The following SETD2 variants were observed in gnomAD, a reference collection of about 807,000 sequenced individuals.
SETD2 encodes the protein histone-lysine N-methyltransferase SETD2.
SETD2 carries 31 observed loss-of-function variants against 242.1 expected under a neutral mutation model. That is an observed-to-expected ratio of 0.13 (90% CI 0.10 to 0.17). The LOEUF (loss-of-function observed/expected upper bound fraction) is 0.17, where lower values mean the gene tolerates loss of function less well. SETD2 is among the 10% of genes least tolerant of loss of function. The probability of loss-of-function intolerance (pLI) is 1.00; values close to 1 mark genes in which losing one functional copy is unlikely to be tolerated. For missense variants in SETD2, 2,481 were observed against 3,046.3 expected, an observed-to-expected ratio of 0.81 and a Z score of 4.37; for synonymous variants, 1,006 against 1,066.5, an observed-to-expected ratio of 0.94 and a Z score of 1.11.
At chr3:47,115,700 T>C (rs942167681) in intron 4 of SETD2, among the ~76,000 whole-genome samples, 12 of 151,934 alleles carry the variant, frequency 7.9e-5, no homozygotes. Flanking sequence ...CAGGCTGGAG[T>C]ATAGTGGAAT....
intron 3 of SETD2, among the ~76,000 whole-genome samples, chr3:47,117,127 A>G (rs919424763): frequency 1.3e-5 from 2 of 152,088 alleles, no homozygotes; most frequent in Non-Finnish European, 2.9e-5. Context: ...CACTTCCCAA[A>G]GTGCTGCAAT....
chr3:47,152,344 T>G (rs2106828194), intron 1 of SETD2, among the ~76,000 whole-genome samples: 1 of 152,342 alleles, frequency 6.6e-6, no homozygotes, highest in South Asian at 2.1e-4. Flanking sequence ...CAAGTATTGA[T>G]AAATTAATGG....
Position 47,046,479 on chromosome 3 carries a change from T to C in SETD2, c.7098+8A>G. On this transcript the variant is annotated splice_region_variant and intron_variant, in intron 16 of 20. Coordinates refer to ENST00000409792, the MANE Select transcript of SETD2 (RefSeq NM_014159.7). ...CCAATGAGTTTTAACAACTGAAACA[T>C]TTCTTACTGGCTGCAAGGGCTGAGG... 1.3e-6 allele frequency: 2 copies of C among 1,588,204 alleles called. No homozygotes were observed. The highest frequency in any genetic ancestry group is 1.7e-6 in the Non-Finnish European group (2 of 1,166,586).
chr3:47,036,905 T>TAAAAAA (rs60186354), intron 18 of SETD2, among the ~76,000 whole-genome samples: 2 of 117,906 alleles, frequency 1.7e-5, no homozygotes, highest in Admixed American at 8.9e-5. Flanking sequence ...CCGTCTCATT[T>TAAAAAA]AAAAAAAAAA....
At chr3:47,088,612 TTTATGGTTCATAAATATGATGAA>T (rs2041667070) in intron 9 of SETD2, among the ~76,000 whole-genome samples, 1 of 152,154 alleles carries the variant, frequency 6.6e-6, no homozygotes, top group Non-Finnish European at 1.5e-5. Context: ...TCAGAGATCC[TTTATGGTTCATAAATATGATGAA>T]TGGGTTTTCA....
chr3:47,095,308 G>A (rs2107667614), intron 9 of SETD2, among the ~76,000 whole-genome samples: 1 of 151,960 alleles, frequency 6.6e-6, no homozygotes, highest in South Asian at 2.1e-4. Flanking sequence ...GCAAATTTTT[G>A]TATTTTTAGT....
In SETD2 at chr3:47,123,375, T is replaced by A. The variant is rs1399084180; in HGVS notation, c.1261A>T (p.Arg421Trp). The A allele has an allele frequency of 1.4e-5, 21 of 1,551,578 alleles. No homozygotes were observed. The highest frequency in any genetic ancestry group is 1.8e-5 in the Non-Finnish European group (21 of 1,146,984). The stretch of plus-strand genomic sequence containing the variant: ...TCATAATAATGAGATCGTTCTGACC[T>A]GGAATAGGATAAATTAGTTCTAGAG... ...RGSRTNLSYS[R>W]SERSHYYDSD... The change falls in exon 3 of 21, where the codon AGG becomes TGG. Residue 421 changes from arginine to tryptophan, a missense_variant. Physicochemically the swap from Arg to Trp is moderately radical, Grantham distance 101. Transcript: ENST00000409792.
intron 1 of SETD2, among the ~76,000 whole-genome samples, chr3:47,134,239 C>T (rs767705374): frequency 3.0e-4 from 45 of 152,150 alleles, no homozygotes; most frequent in Non-Finnish European, 6.0e-4. Flanking sequence ...CAGGTGGAAG[C>T]CTCTGTTGTG....
chr3:47,046,452 A>G (rs1322509958), intron 16 of SETD2, 35 bp downstream of exon 16: 2 of 1,514,316 alleles, frequency 1.3e-6, no homozygotes, highest in Non-Finnish European at 1.8e-6. Flanking sequence ...CAAAGTAGAC[A>G]GCCAATGAGT....
At chr3:47,151,700 G>T (rs1463894082) in intron 1 of SETD2, among the ~76,000 whole-genome samples, 1 of 151,752 alleles carries the variant, frequency 6.6e-6, no homozygotes, top group African/African-American at 2.4e-5. Context: ...GGTGGTACGC[G>T]CCTGTAATCC....
chr3:47,113,089 A>C lies in SETD2; in HGVS notation c.4715+787T>G, dbSNP rs1196284951. The stretch of plus-strand genomic sequence containing the variant: ...TTTAATTCTTAACCTTGATATGCTC[A>C]GGTATTCTCTTCTACTCTTTTTTTT... On this transcript the variant is annotated intron_variant, in intron 5 of 20. Transcript: ENST00000409792. Among the ~76,000 whole-genome samples the C allele has an allele frequency of 7.6e-5, 11 of 145,596 alleles. No homozygotes were observed. In the Admixed American group the frequency reaches 7.8e-4, roughly 10 times the overall value.
chr3:47,029,312 C>G (rs1266282789), intron 18 of SETD2, among the ~76,000 whole-genome samples: 1 of 151,800 alleles, frequency 6.6e-6, no homozygotes, highest in African/African-American at 2.4e-5. Flanking sequence ...CCTGCTTTGG[C>G]ATCCCAAAGT....
chr3:47,142,575 T>A (rs2043755319), intron 1 of SETD2, among the ~76,000 whole-genome samples: 1 of 151,798 alleles, frequency 6.6e-6, no homozygotes, highest in Non-Finnish European at 1.5e-5. Flanking sequence ...CGGAATGTAC[T>A]GTTAAGGAAA....
intron 1 of SETD2, 112 bp downstream of exon 1, chr3:47,163,742 G>C (rs1351384442): frequency 1.2e-6 from 1 of 802,534 alleles, no homozygotes; most frequent in Admixed American, 5.9e-5. Context: ...CGAGGCCACC[G>C]TGGGCCTGTT....
At chr3:47,126,229 C>T (rs1000838903) in intron 2 of SETD2, among the ~76,000 whole-genome samples, 3 of 152,154 alleles carry the variant, frequency 2.0e-5, no homozygotes, top group Non-Finnish European at 4.4e-5. Flanking sequence ...ACCATGTTGG[C>T]CAGGCTGGTC....
At chr3:47,019,107 T>C (rs1261236915) in intron 19 of SETD2, among the ~76,000 whole-genome samples, 1 of 152,232 alleles carries the variant, frequency 6.6e-6, no homozygotes, top group East Asian at 1.9e-4. Context: ...CAGACAAGTT[T>C]AGTGTCTTGA....
intron 12 of SETD2, among the ~76,000 whole-genome samples, chr3:47,074,684 C>T (rs1041830484): frequency 1.3e-5 from 2 of 152,124 alleles, no homozygotes; most frequent in African/African-American, 2.4e-5. Flanking sequence ...ACTTTTTGAA[C>T]CACAGTTCAT....
At chr3:47,053,494 A>C (rs537066360) in intron 15 of SETD2, among the ~76,000 whole-genome samples, 1 of 152,340 alleles carries the variant, frequency 6.6e-6, no homozygotes, top group East Asian at 1.9e-4. Context: ...TCACAAGACC[A>C]CTACAAATTA....
At chr3:47,077,244 C>T (rs767896164) in intron 12 of SETD2, among the ~76,000 whole-genome samples, 2 of 152,010 alleles carry the variant, frequency 1.3e-5, no homozygotes, top group Non-Finnish European at 2.9e-5. Flanking sequence ...CCATCGTGCC[C>T]GGCTAATTTT....
Sources: gnomAD v4.1 joint callset for allele counts (sites outside exome capture counted in the v4.1 genomes callset) on GRCh38, gnomAD v4.1.1 for gene constraint, MANE v1.5 for transcripts, NCBI Gene and HGNC (gene_info 2026-07-23, HGNC 2026-07-21) for gene names.